The following TARBP1 variants were observed in gnomAD, a reference collection of about 807,000 sequenced individuals.
TARBP1 encodes tRNA guanosine 2 -O-methyltransferase TARBP1, also known as tRNA (guanosine(18)-2'-O)-methyltransferase TARBP1.
Under a neutral mutation model 178.6 loss-of-function variants are expected in TARBP1, and 144 were observed. That is an observed-to-expected ratio of 0.81 (90% CI 0.70 to 0.93). The LOEUF (loss-of-function observed/expected upper bound fraction) is 0.93. Among genes scored for constraint, TARBP1 ranks in the 40% least tolerant of loss-of-function variants. TARBP1 has a pLI of 0.00. For missense variants in TARBP1, 2,067 were observed against 2,011.7 expected, an observed-to-expected ratio of 1.03 and a Z score of -0.53; for synonymous variants, 787 against 781.0, an observed-to-expected ratio of 1.01 and a Z score of -0.13.
intron 5 of TARBP1, among the ~76,000 whole-genome samples, chr1:234,464,596 T>C (rs959420248): frequency 2.0e-5 from 3 of 152,184 alleles, no homozygotes; most frequent in Admixed American, 6.5e-5. Context: ...AATGAGTTAT[T>C]TGAAAACTAA....
intron 24 of TARBP1, among the ~76,000 whole-genome samples, chr1:234,402,752 T>C (rs1035991951): frequency 1.3e-5 from 2 of 151,984 alleles, no homozygotes; most frequent in African/African-American, 4.8e-5. Flanking sequence ...CTTTTTTTTA[T>C]TATTATTATT....
chr1:234,414,681 T>G (rs1280630697), intron 22 of TARBP1, among the ~76,000 whole-genome samples: 1 of 151,976 alleles, frequency 6.6e-6, no homozygotes, highest in African/African-American at 2.4e-5. Flanking sequence ...AAGAGTGGGT[T>G]GGGAAGGATG....
Position 234,429,580 on chromosome 1 carries a change from AT to A in TARBP1, c.2706del (p.Lys902AsnfsTer25), listed in dbSNP as rs764841940. ...QWVCLSFLLKKYHTLIPTTGS... is the reference protein window; with the variant it reads ...QWVCLSFLLKXYHTLIPTTGS... ...CCTGTGGTTGGTATAAGGGTGTGAT[AT>A]TTTTTCAACAGGAAAGAGAGGCACA... On this transcript the variant is annotated frameshift_variant, in exon 16 of 30. Coordinates refer to ENST00000040877, the MANE Select transcript of TARBP1 (RefSeq NM_005646.4). LOFTEE classifies it high-confidence loss of function. 1 of 1,614,096 alleles carries A rather than the reference AT, an allele frequency of 6.2e-7. No homozygotes were observed. Among genetic ancestry groups the A allele is most frequent in the African/African-American group, 1.3e-5 (1 of 75,012 alleles).
intron 14 of TARBP1, among the ~76,000 whole-genome samples, chr1:234,431,094 A>G (rs745608654): frequency 3.3e-5 from 5 of 152,334 alleles, no homozygotes; most frequent in Middle Eastern, 6.8e-3. Flanking sequence ...GAAGTCAGAC[A>G]CAGAAAACAA....
chr1:234,422,634 T>A (rs969389644), intron 20 of TARBP1, among the ~76,000 whole-genome samples: 1 of 151,860 alleles, frequency 6.6e-6, no homozygotes, highest in Admixed American at 6.6e-5. Flanking sequence ...GGCTAATGAG[T>A]ATAAAAATAT....
Position 234,478,359 on chromosome 1 carries a change from C to A in TARBP1, c.745G>T (p.Ala249Ser), listed in dbSNP as rs951109218. The A allele has an allele frequency of 8.7e-6, 11 of 1,267,262 alleles. No homozygotes were observed. The Admixed American group carries it at 3.3e-4, about 38-fold the overall frequency. 78.5% of individuals were successfully genotyped at this position (1,267,262 alleles called of 1,614,324 possible). Residue 249 changes from alanine (A) to serine (S), a missense_variant, in exon 1 of 30, where the codon GCC becomes TCC. Physicochemically the swap from Ala to Ser is moderately conservative, Grantham distance 99. Coordinates refer to ENST00000040877, the MANE Select transcript of TARBP1 (RefSeq NM_005646.4). ...KLLPEPGGDR[A>S]RGAREAGPDA... The stretch of plus-strand genomic sequence containing the variant: ...GGGCCCGCCTCGCGCGCGCCGCGGG[C>A]GCGGTCGCCGCCGGGCTCGGGCAAC...
rs532879555 is a variant in TARBP1, at chr1:234,419,136, G to C, written c.3556-903C>G. Among the ~76,000 whole-genome samples, 621 of 152,042 alleles carry C rather than the reference G, an allele frequency of 4.1e-3. 2 individuals are homozygous for C. Among genetic ancestry groups the C allele is most frequent in the Middle Eastern group, 6.8e-3 (2 of 294 alleles). On this transcript the variant is annotated intron_variant, in intron 21 of 29. Transcript: ENST00000040877. ...TGCAGTGAGCCGAGATCGTGCCACT[G>C]CACTCCAGCCTGGGTGAAAGAGCAA...
chr1:234,433,669 C>A, intron 13 of TARBP1, 98 bp from the exon 14 acceptor site: 2 of 1,121,556 alleles, frequency 1.8e-6, no homozygotes, highest in East Asian at 2.4e-5. Flanking sequence ...TAAAGGACCA[C>A]AACAAGACAC....
chr1:234,468,821 T>C (rs746909811), intron 3 of TARBP1, among the ~76,000 whole-genome samples: 8 of 151,872 alleles, frequency 5.3e-5, no homozygotes, highest in Non-Finnish European at 1.2e-4. Context: ...GTGTCCCAGG[T>C]GGTGCCTTCT....
chr1:234,412,312 C>G (rs981958966), intron 22 of TARBP1, among the ~76,000 whole-genome samples: 14 of 151,920 alleles, frequency 9.2e-5, no homozygotes, highest in Non-Finnish European at 1.8e-4. Context: ...ATTCCAGTTA[C>G]CTGGGAGGCT....
chr1:234,401,669 G>A (rs911104386), intron 24 of TARBP1, among the ~76,000 whole-genome samples: 2 of 152,158 alleles, frequency 1.3e-5, no homozygotes, highest in East Asian at 1.9e-4. Context: ...GGCAAAAAAG[G>A]TAGGGATAAA....
In TARBP1 at chr1:234,406,418, A is replaced by G. The variant is rs116477216; in HGVS notation, c.3793-319T>C. On this transcript the variant is annotated intron_variant, in intron 23 of 29. Coordinates refer to ENST00000040877, the MANE Select transcript of TARBP1 (RefSeq NM_005646.4). ...TTATGCTAACCATTATACAACCAAA[A>G]TGTTTTTCAAATGGAGCCTCCATCT... is the stretch of plus-strand genomic sequence containing the variant. 1.0e-3 allele frequency: 227 copies of G among 225,122 alleles called. 1 individual carries two copies. Among genetic ancestry groups the G allele is most frequent in the African/African-American group, 4.9e-3 (215 of 44,240 alleles). The allele number at this position is 225,122 out of a possible 1,614,324, so 13.9% of individuals were successfully genotyped here. A position where few individuals can be genotyped will look rare whatever the true frequency, so the allele number is the denominator to read the frequency against.
At chr1:234,470,740 C>T (rs187552391) in intron 3 of TARBP1, among the ~76,000 whole-genome samples, 8 of 150,186 alleles carry the variant, frequency 5.3e-5, no homozygotes, top group Admixed American at 1.3e-4. Context: ...CTCAGCCTCT[C>T]GAGTAGCTGG....
Position 234,467,631 on chromosome 1 carries a change from T to G in TARBP1, c.1119A>C (p.Pro373=). ...SEENGCWLFH[P]SWHMCIYKRM... Reference sequence around the variant, plus strand: ...TTTTATAAATACACATATGCCAGGATGGGTGAAAGAGCCAACATCCTGTGG... The same window carrying G: ...TTTTATAAATACACATATGCCAGGAGGGGTGAAAGAGCCAACATCCTGTGG... The change falls in exon 4 of 30, where the codon CCA becomes CCC. Residue 373 remains proline (P), a synonymous_variant. Coordinates refer to ENST00000040877, the MANE Select transcript of TARBP1 (RefSeq NM_005646.4). 1 of 1,593,838 alleles carries G rather than the reference T, an allele frequency of 6.3e-7. No individual in the cohort carries two copies.
intron 5 of TARBP1, 148 bp downstream of exon 5, chr1:234,465,508 A>C (rs1043874959): frequency 1.5e-6 from 1 of 647,352 alleles, no homozygotes; most frequent in African/African-American, 1.9e-5. Flanking sequence ...CAAGAAGAAT[A>C]ACAGATAGAA....
intron 3 of TARBP1, among the ~76,000 whole-genome samples, chr1:234,470,467 G>A (rs952051696): frequency 2.0e-5 from 3 of 152,108 alleles, no homozygotes; most frequent in African/African-American, 7.2e-5. Context: ...AGCAAGGCTG[G>A]CCGTGAGACG....
intron 22 of TARBP1, among the ~76,000 whole-genome samples, chr1:234,412,274 T>C (rs1477963947): frequency 6.6e-6 from 1 of 151,944 alleles, no homozygotes; most frequent in Admixed American, 6.6e-5. Context: ...ATACAAAAAT[T>C]AGCTGGGCAT....
chr1:234,413,199 C>A lies in TARBP1; in HGVS notation c.3706-2668G>T, dbSNP rs111257465. On this transcript the variant is annotated intron_variant, in intron 22 of 29. Transcript: ENST00000040877. ...CAGACACCACAAGGAGCAAAACTGCCCAGCCAGGCCCAGACAACACACACA... is the reference window on the plus strand; with the variant it reads ...CAGACACCACAAGGAGCAAAACTGCACAGCCAGGCCCAGACAACACACACA... 2.6e-3 allele frequency among the ~76,000 whole-genome samples: 398 copies of A among 152,262 alleles called. 3 individuals carry two copies. The highest frequency in any genetic ancestry group is 9.2e-3 in the African/African-American group (382 of 41,542).
Position 234,478,268 on chromosome 1 carries a change from A to G in TARBP1, c.836T>C (p.Leu279Pro). ...CAGGTAGCGCGCTCGCTTGCGCGTC[A>G]GGGCGTCCGCCTGGCCCAGCCCCGC... ...VQAGLGQADA[L>P]TRKRARYLLQ... Residue 279 changes from leucine (L) to proline (P), a missense_variant, in exon 1 of 30, where the codon CTG becomes CCG. Physicochemically the swap from Leu to Pro is moderately conservative, Grantham distance 98 (BLOSUM62 -3). Coordinates refer to ENST00000040877, the MANE Select transcript of TARBP1 (RefSeq NM_005646.4). 1 of 1,598,128 alleles carries G rather than the reference A, an allele frequency of 6.3e-7. No homozygotes were observed. The highest frequency in any genetic ancestry group is 8.5e-7 in the Non-Finnish European group (1 of 1,174,380).
Sources: allele counts gnomAD v4.1 joint callset (sites outside exome capture counted in the v4.1 genomes callset), GRCh38; gene constraint gnomAD v4.1.1; transcripts MANE v1.5; gene names NCBI Gene and HGNC (gene_info 2026-07-23, HGNC 2026-07-21).